RMC1: variants seen among roughly 807,000 people sequenced by gnomAD.
RMC1 encodes the protein regulator of MON1-CCZ1.
Under a neutral mutation model 95.5 loss-of-function variants are expected in RMC1, and 44 were observed. The ratio of observed to expected loss-of-function variants is 0.46; its 90% CI spans 0.36 to 0.59. The LOEUF is 0.59. Ranked by LOEUF, RMC1 falls within the 20% of genes least tolerant of loss-of-function variation. The probability of loss-of-function intolerance (pLI) is 0.00; values close to 1 mark genes in which losing one functional copy is unlikely to be tolerated. For missense variants in RMC1, 705 were observed against 819.6 expected (o/e 0.86, Z 1.71); for synonymous variants, 320 against 303.6 (o/e 1.05, Z -0.56).
intron 12 of RMC1, 117 bp downstream of exon 12, chr18:23,524,599 C>A: frequency 1.9e-6 from 2 of 1,027,886 alleles, no homozygotes; most frequent in Non-Finnish European, 2.9e-6. Flanking sequence ...TCCTTTCAAG[C>A]GTGGGAATGG....
chr18:23,523,543 CAAAAAAAAAAAAA>C (rs374224848), intron 10 of RMC1, among the ~76,000 whole-genome samples: 18,517 of 76,544 alleles, frequency 0.24, 1,592 homozygotes, highest in Middle Eastern at 0.54. Context: ...CTTGTCTTCA[CAAAAAAAAAAAAA>C]AAAAAAAAAA....
At chr18:23,515,664 C>G (rs952088325) in intron 5 of RMC1, among the ~76,000 whole-genome samples, 192 bp from the exon 6 acceptor site, 2 of 152,180 alleles carry the variant, frequency 1.3e-5, no homozygotes, top group Non-Finnish European at 2.9e-5. Flanking sequence ...TTCTGAGTAG[C>G]TGGAATTACA....
intron 15 of RMC1, 123 bp from the exon 16 acceptor site, chr18:23,529,512 C>A: frequency 1.6e-6 from 2 of 1,252,322 alleles, no homozygotes; most frequent in Non-Finnish European, 2.3e-6. Flanking sequence ...GTGTGCAAAA[C>A]CAGTGAAAGA....
In RMC1 at chr18:23,531,049, C is replaced by T. The variant is rs528354263; in HGVS notation, c.1894+437C>T. On this transcript the variant is annotated intron_variant, in intron 19 of 19. Transcript: ENST00000269221. ...TCGCTCCGTTGCCCAGGCTGGAGTG[C>T]AGTGGTGTGATCTCGGTTCACTGCA... Among the ~76,000 whole-genome samples the T allele has an allele frequency of 4.6e-5, 7 of 152,026 alleles. 1 individual carries two copies. The South Asian group carries it at 1.2e-3, about 27-fold the overall frequency.
rs1198774407 is a variant in RMC1 at position 23,529,705 on chromosome 18, C to T, written c.1487C>T (p.Ala496Val). ...YIRSLNQFQI[A>V]VQHYLHELVI... ...CGTTCTCTTAACCAGTTTCAGATTG[C>T]AGTACAGGTACCTTCAAATCATCTG... Residue 496 changes from alanine (A) to valine (V), a missense_variant, in exon 16 of 20, where the codon GCA becomes GTA. Coordinates refer to ENST00000269221, the MANE Select transcript of RMC1 (RefSeq NM_013326.5). 4 of 1,613,100 alleles carry T rather than the reference C, an allele frequency of 2.5e-6. No individual in the cohort carries two copies. The African/African-American group carries it at 4.0e-5, about 16-fold the overall frequency.
intron 10 of RMC1, among the ~76,000 whole-genome samples, chr18:23,521,679 A>AAC (rs1363812279): frequency 6.9e-6 from 1 of 144,174 alleles, no homozygotes; most frequent in Non-Finnish European, 1.5e-5. Flanking sequence ...AAGAATATTC[A>AAC]ACACACACTC....
At chr18:23,510,948 T>C (rs2057839844) in intron 5 of RMC1, among the ~76,000 whole-genome samples, 1 of 152,220 alleles carries the variant, frequency 6.6e-6, no homozygotes, top group African/African-American at 2.4e-5. Context: ...GCAGAACTAC[T>C]GTTTGACCTA....
intron 7 of RMC1, among the ~76,000 whole-genome samples, chr18:23,518,539 A>G (rs1001460407): frequency 2.0e-5 from 3 of 152,230 alleles, no homozygotes; most frequent in Admixed American, 1.3e-4. Flanking sequence ...CCTGTTATTA[A>G]GGAATATACA....
Position 23,515,914 on chromosome 18 carries a change from G to C in RMC1, c.467G>C (p.Trp156Ser). The C allele has an allele frequency of 6.2e-7, 1 of 1,614,120 alleles. No individual in the cohort carries two copies. The highest frequency in any genetic ancestry group is 1.3e-5 in the African/African-American group (1 of 75,026). ...LLKSHNLNVN[W>S]YMYCPESAVI... ...AAGAGCCACAATCTCAATGTGAATT[G>C]GTACATGTACTGCCCCGAGAGCGCC... Residue 156 changes from tryptophan to serine, a missense_variant, in exon 6 of 20, where the codon TGG becomes TCG. Transcript: ENST00000269221.
chr18:23,517,465 C>T (rs139899562), intron 7 of RMC1, among the ~76,000 whole-genome samples: 1,745 of 152,090 alleles, frequency 0.011, 36 homozygotes, highest in African/African-American at 0.04. Context: ...GGTATATTTT[C>T]ATTTGAAAAA....
chr18:23,513,928 T>C (rs1028067386), intron 5 of RMC1, among the ~76,000 whole-genome samples: 1 of 152,244 alleles, frequency 6.6e-6, no homozygotes, highest in Non-Finnish European at 1.5e-5. Context: ...ATTAACACCT[T>C]CTTAGAGATA....
chr18:23,507,192 T>G, intron 3 of RMC1, 138 bp downstream of exon 3: 1 of 507,124 alleles, frequency 2.0e-6, no homozygotes, highest in Non-Finnish European at 3.5e-6. Flanking sequence ...TGCATTGTAT[T>G]AGAGCCTTCA....
chr18:23,524,198 C>T lies in RMC1; in HGVS notation c.1006+24C>T, dbSNP rs777238935. ...CTGTATCCTTTACTAAGGTGTGGCA[C>T]CGTGCACAACAGGGCAAGTGGTCAC... On this transcript the variant is annotated intron_variant, in intron 11 of 19. Coordinates refer to ENST00000269221, the MANE Select transcript of RMC1 (RefSeq NM_013326.5). 2.5e-6 allele frequency: 4 copies of T among 1,612,320 alleles called. No individual in the cohort carries two copies. In the South Asian group the frequency reaches 4.4e-5, roughly 18 times the overall value.
At chr18:23,529,772 T>G in intron 16 of RMC1, 60 bp downstream of exon 16, 1 of 1,495,600 alleles carries the variant, frequency 6.7e-7, no homozygotes, top group Non-Finnish European at 9.3e-7. Flanking sequence ...AAAAACACAG[T>G]CACTGTCTTA....
Position 23,520,190 on chromosome 18 carries a change from T to C in RMC1, c.850-12T>C. On this transcript the variant is annotated splice_polypyrimidine_tract_variant and intron_variant, in intron 9 of 19. Transcript: ENST00000269221. The stretch of plus-strand genomic sequence containing the variant: ...TTGATTTTGGCCTCAGTCTTGTCTT[T>C]TTCCCCCCCAGACATCGGTAATATT... The C allele has an allele frequency of 5.6e-6, 9 of 1,609,048 alleles. No homozygotes were observed. The highest frequency in any genetic ancestry group is 7.7e-6 in the Non-Finnish European group (9 of 1,175,450).
At chr18:23,512,815 A>G (rs2057898584) in intron 5 of RMC1, among the ~76,000 whole-genome samples, 1 of 152,190 alleles carries the variant, frequency 6.6e-6, no homozygotes, top group Non-Finnish European at 1.5e-5. Flanking sequence ...CAGTAGTGTT[A>G]AGTATATTCA....
intron 10 of RMC1, among the ~76,000 whole-genome samples, chr18:23,520,851 G>A (rs1448752188): frequency 2.6e-5 from 4 of 152,176 alleles, no homozygotes. Context: ...AAGTAGCTGG[G>A]ATTACAGGCG....
At chr18:23,503,863 TC>T (rs763533189) in intron 1 of RMC1, 143 bp downstream of exon 1, 6 of 678,630 alleles carry the variant, frequency 8.8e-6, no homozygotes, top group Non-Finnish European at 1.3e-5. Context: ...GCGCGCTCCT[TC>T]CTTGTTGGGT....
chr18:23,530,243 A>T lies in RMC1; in HGVS notation c.1614A>T (p.Leu538Phe). 1 of 1,614,190 alleles carries T rather than the reference A, an allele frequency of 6.2e-7. No homozygotes were observed. Reference protein sequence around the residue: ...SDSKPLACLLLSLESFYPPAH... With the variant: ...SDSKPLACLLFSLESFYPPAH... Reference sequence around the variant, plus strand: ...ATGTCTTTCAGGCTTGTCTGCTGTTATCCCTAGAGAGTTTCTATCCTCCTG... The same window carrying T: ...ATGTCTTTCAGGCTTGTCTGCTGTTTTCCCTAGAGAGTTTCTATCCTCCTG... The change falls in exon 18 of 20, where the codon TTA becomes TTT. Residue 538 changes from leucine (L) to phenylalanine (F), a missense_variant. By Grantham distance (22) the Leu-to-Phe change is conservative. Transcript: ENST00000269221.
Sources: allele counts gnomAD v4.1 joint callset (sites outside exome capture counted in the v4.1 genomes callset), GRCh38; gene constraint gnomAD v4.1.1; transcripts MANE v1.5; gene names NCBI Gene and HGNC (gene_info 2026-07-23, HGNC 2026-07-21).